The following TLE4 variants were observed in gnomAD, a reference collection of about 807,000 sequenced individuals.
The protein encoded by TLE4 is TLE family member 4, transcriptional corepressor, also known as transducin-like enhancer protein 4.
Under a neutral mutation model 92.8 loss-of-function variants are expected in TLE4, and 8 were observed. That is an observed-to-expected ratio of 0.09 (90% CI 0.05 to 0.16). TLE4 has a LOEUF of 0.16. Ranked by LOEUF, TLE4 falls within the 10% of genes least tolerant of loss-of-function variation. The probability of loss-of-function intolerance (pLI) is 1.00; values close to 1 mark genes in which losing one functional copy is unlikely to be tolerated. For missense variants in TLE4, 675 were observed against 997.6 expected, an observed-to-expected ratio of 0.68 and a Z score of 4.36; for synonymous variants, 371 against 374.1, an observed-to-expected ratio of 0.99 and a Z score of 0.10.
In TLE4 at chr9:79,628,081, GT is replaced by G. The variant is rs963202799; in HGVS notation, c.390+643del. ...ACTTCAACTCTGCTTATATATGTATGTTTTTTTTTTCTCAGATTAATGTAAC... is the reference window on the plus strand; with the variant it reads ...ACTTCAACTCTGCTTATATATGTATGTTTTTTTTTCTCAGATTAATGTAAC... On this transcript the variant is annotated intron_variant, in intron 6 of 19. Transcript: ENST00000376552. 3.3e-4 allele frequency among the ~76,000 whole-genome samples: 50 copies of G among 149,352 alleles called. No individual in the cohort carries two copies. The East Asian group carries it at 4.1e-3, about 12-fold the overall frequency.
intron 4 of TLE4, among the ~76,000 whole-genome samples, chr9:79,612,380 T>C (rs1159076445): frequency 1.3e-5 from 2 of 152,110 alleles, no homozygotes; most frequent in East Asian, 3.9e-4. Context: ...GAAAACTGAT[T>C]TCCAGTCATG....
At chr9:79,573,451 G>C (rs2036542727) in intron 1 of TLE4, 11 of 1,116,066 alleles carry the variant, frequency 9.9e-6, no homozygotes, top group Non-Finnish European at 1.3e-5. Context: ...TCGAACCCTC[G>C]GGGTCCGGGG....
intron 15 of TLE4, 59 bp downstream of exon 15, chr9:79,719,030 T>A (rs2075109187): frequency 6.4e-7 from 1 of 1,560,090 alleles, no homozygotes; most frequent in African/African-American, 1.4e-5. Flanking sequence ...GAGGGGCTGA[T>A]GAGAGAACTG....
rs138198400 is a variant in TLE4 at position 79,720,132 on chromosome 9, T to C, written c.1677T>C (p.Ile559=). 1,546 of 1,614,164 alleles carry C rather than the reference T, an allele frequency of 9.6e-4. 2 individuals carry two copies. Among genetic ancestry groups the C allele is most frequent in the Non-Finnish European group, 1.2e-3 (1,433 of 1,180,026 alleles). The stretch of plus-strand genomic sequence containing the variant: ...GAGGGGAAGCCAGTACTTTGTCCAT[T>C]TGGGACCTGGCGGCTCCAACCCCAC... ...IVGGEASTLS[I]WDLAAPTPRI... The change falls in exon 16 of 20, where the codon ATT becomes ATC. Residue 559 remains isoleucine, a synonymous_variant. Transcript: ENST00000376552.
At chr9:79,605,690 G>C (rs1338349394) in intron 4 of TLE4, among the ~76,000 whole-genome samples, 1 of 152,058 alleles carries the variant, frequency 6.6e-6, no homozygotes, top group East Asian at 1.9e-4. Flanking sequence ...CTTCAAGAAG[G>C]ACTTTGTTCT....
intron 6 of TLE4, among the ~76,000 whole-genome samples, chr9:79,640,234 C>G (rs1326486817): frequency 2.0e-5 from 3 of 151,946 alleles, no homozygotes; most frequent in Non-Finnish European, 4.4e-5. Flanking sequence ...ATGATGTAGT[C>G]AAGGTGTATT....
chr9:79,622,690 C>T (rs965393625), intron 5 of TLE4, among the ~76,000 whole-genome samples: 1 of 152,132 alleles, frequency 6.6e-6, no homozygotes, highest in African/African-American at 2.4e-5. Context: ...CTTACTCTAA[C>T]CTTAGTATCT....
At chr9:79,707,302 C>T (rs2071900191) in intron 11 of TLE4, 2 of 1,118,668 alleles carry the variant, frequency 1.8e-6, no homozygotes, top group South Asian at 2.6e-5. Context: ...AATAATTTTC[C>T]CTTCCTATCT....
chr9:79,694,683 T>C (rs573470214), intron 8 of TLE4, among the ~76,000 whole-genome samples: 1 of 152,016 alleles, frequency 6.6e-6, no homozygotes, highest in East Asian at 1.9e-4. Flanking sequence ...TATCAACCAA[T>C]GTAAACATCT....
intron 4 of TLE4, among the ~76,000 whole-genome samples, chr9:79,605,427 C>T (rs918175458): frequency 1.2e-4 from 19 of 152,244 alleles, no homozygotes; most frequent in Non-Finnish European, 2.6e-4. Flanking sequence ...GATAATTTAT[C>T]TCTCTCGATC....
At position 79,572,474 on chromosome 9, in the gene TLE4, CGCGGCGCCGGGCTCGGCGGGT is replaced by C. The variant is rs1200652609; in HGVS notation, c.-313_-293del. ...CTTTCCCGGCCGGGTGAGCGGCGGC[CGCGGCGCCGGGCTCGGCGGGT>C]GCGCCTCGGCGGAGCGAACGTCGGA... On this transcript the variant is annotated 5_prime_UTR_variant, in exon 1 of 20. Coordinates refer to ENST00000376552, the MANE Select transcript of TLE4 (RefSeq NM_007005.6). 6.5e-6 allele frequency: 1 copy of C among 153,634 alleles called. No individual in the cohort carries two copies. Among genetic ancestry groups the C allele is most frequent in the Non-Finnish European group, 1.4e-5 (1 of 69,252 alleles). 9.5% of individuals were successfully genotyped at this position (153,634 alleles called of 1,614,324 possible). A position where few individuals can be genotyped will look rare whatever the true frequency, so the allele number is the denominator to read the frequency against.
Position 79,706,048 on chromosome 9 carries a change from T to C in TLE4, c.783+106T>C, listed in dbSNP as rs1293604019. ...TATCTTGAGGTTTGTCGTTTTGTTATTGTTGTTGTTTTTTGAGGCAGGGTC... is the reference window on the plus strand; with the variant it reads ...TATCTTGAGGTTTGTCGTTTTGTTACTGTTGTTGTTTTTTGAGGCAGGGTC... On this transcript the variant is annotated intron_variant, in intron 10 of 19. Coordinates refer to ENST00000376552, the MANE Select transcript of TLE4 (RefSeq NM_007005.6). 16 of 1,143,556 alleles carry C rather than the reference T, an allele frequency of 1.4e-5. No individual in the cohort carries two copies. In the South Asian group the frequency reaches 1.8e-4, roughly 13 times the overall value. 70.8% of individuals were successfully genotyped at this position (1,143,556 alleles called of 1,614,324 possible).
intron 6 of TLE4, chr9:79,627,852 A>T (rs971798276): frequency 6.1e-6 from 1 of 163,360 alleles, no homozygotes; most frequent in African/African-American, 2.4e-5. Flanking sequence ...TGAGGTGTAC[A>T]TTTTCACATC....
rs1296052799 is a variant in TLE4 at position 79,573,686 on chromosome 9, C to T, written c.46-3C>T. 1 of 1,593,870 alleles carries T rather than the reference C, an allele frequency of 6.3e-7. No individual in the cohort carries two copies. Among genetic ancestry groups the T allele is most frequent in the South Asian group, 1.1e-5 (1 of 88,960 alleles). On this transcript the variant is annotated splice_polypyrimidine_tract_variant and splice_region_variant and intron_variant, in intron 1 of 19. Coordinates refer to ENST00000376552, the MANE Select transcript of TLE4 (RefSeq NM_007005.6). ...AATTAAATATTTTATTGTTGTTCTT[C>T]AGGCACCGCATCAGCCTGCTCAACC...
chr9:79,615,849 T>TG (rs1481398696), intron 5 of TLE4, among the ~76,000 whole-genome samples: 1 of 152,226 alleles, frequency 6.6e-6, no homozygotes, highest in Non-Finnish European at 1.5e-5. Context: ...AATGTGCTGT[T>TG]GCACTCACGT....
intron 8 of TLE4, among the ~76,000 whole-genome samples, chr9:79,694,220 A>G (rs1205991102): frequency 6.6e-6 from 1 of 152,192 alleles, no homozygotes; most frequent in Non-Finnish European, 1.5e-5. Context: ...AGGACTCACA[A>G]TTGTCTGAAA....
intron 4 of TLE4, among the ~76,000 whole-genome samples, chr9:79,610,561 A>G (rs557504682): frequency 7.2e-5 from 11 of 152,158 alleles, no homozygotes; most frequent in Non-Finnish European, 1.5e-4. Flanking sequence ...CCCACTGCCA[A>G]TTAGCCTGAC....
chr9:79,694,478 G>T (rs903102041), intron 8 of TLE4, among the ~76,000 whole-genome samples: 2 of 152,040 alleles, frequency 1.3e-5, no homozygotes, highest in Non-Finnish European at 2.9e-5. Context: ...CTTAGATCTT[G>T]TTGTCATGTG....
intron 8 of TLE4, among the ~76,000 whole-genome samples, chr9:79,673,559 G>A (rs561326468): frequency 5.9e-5 from 9 of 152,174 alleles, no homozygotes; most frequent in Non-Finnish European, 1.3e-4. Context: ...ATTATTTTCT[G>A]CATAGTTCCA....
Sources: gnomAD v4.1 joint callset for allele counts (sites outside exome capture counted in the v4.1 genomes callset) on GRCh38, gnomAD v4.1.1 for gene constraint, MANE v1.5 for transcripts, NCBI Gene and HGNC (gene_info 2026-07-23, HGNC 2026-07-21) for gene names.